FLRT1: variants seen among roughly 807,000 people sequenced by gnomAD.
The protein encoded by FLRT1 is fibronectin leucine rich transmembrane protein 1.
In FLRT1, 14 loss-of-function variants were observed where a neutral mutation model predicts 30.9. The observed-to-expected ratio is 0.45, with a 90% confidence interval of 0.30 to 0.71. FLRT1 has a LOEUF of 0.71. FLRT1 is among the 30% of genes least tolerant of loss of function. The pLI is 0.08. For missense variants in FLRT1, 737 were observed against 949.2 expected (o/e 0.78, Z 2.94); for synonymous variants, 368 against 430.4 (o/e 0.85, Z 1.80).
At chr11:64,093,687 C>T (rs1003536046) in intron 1 of FLRT1, among the ~76,000 whole-genome samples, 2 of 152,250 alleles carry the variant, frequency 1.3e-5, no homozygotes, top group African/African-American at 2.4e-5. Context: ...GCCCCACCCC[C>T]TCTTGGTCAT....
At chr11:64,071,663 C>G (rs1269200568) in intron 1 of FLRT1, among the ~76,000 whole-genome samples, 2 of 152,198 alleles carry the variant, frequency 1.3e-5, no homozygotes, top group African/African-American at 4.8e-5. Context: ...GAAGTGGGAA[C>G]CACAGAGCCC....
intron 1 of FLRT1, among the ~76,000 whole-genome samples, chr11:64,072,255 A>T (rs146946781): frequency 3.7e-4 from 56 of 152,110 alleles, no homozygotes; most frequent in Middle Eastern, 3.4e-3. Flanking sequence ...CAACCCACAG[A>T]TGGGTACAGG....
At chr11:64,091,396 G>A (rs1944487623) in intron 1 of FLRT1, among the ~76,000 whole-genome samples, 2 of 151,956 alleles carry the variant, frequency 1.3e-5, no homozygotes. Flanking sequence ...GCCAGGTAGG[G>A]AGGTTGGGGG....
intron 1 of FLRT1, among the ~76,000 whole-genome samples, chr11:64,065,833 C>A (rs1943995320): frequency 6.6e-6 from 1 of 151,024 alleles, no homozygotes; most frequent in South Asian, 2.3e-4. Flanking sequence ...GACTCCCCCT[C>A]TCTCCATGCA....
chr11:64,066,491 C>T (rs1944008503), intron 1 of FLRT1, among the ~76,000 whole-genome samples: 1 of 151,534 alleles, frequency 6.6e-6, no homozygotes, highest in Non-Finnish European at 1.5e-5. Context: ...TGGTGGCATG[C>T]GCCTGTAGTC....
At chr11:64,109,294 C>A (rs1944818890) in intron 2 of FLRT1, among the ~76,000 whole-genome samples, 2 of 152,176 alleles carry the variant, frequency 1.3e-5, no homozygotes, top group South Asian at 2.1e-4. Context: ...CCATAAGCCA[C>A]CACGAGGGGT....
chr11:64,057,843 C>CT (rs1943818625), intron 1 of FLRT1, among the ~76,000 whole-genome samples: 1 of 152,256 alleles, frequency 6.6e-6, no homozygotes, highest in South Asian at 2.1e-4. Flanking sequence ...CCCCTTTCCA[C>CT]TTTACAGTTG....
In FLRT1 at chr11:64,118,167, G is replaced by A. The variant is rs541305050; in HGVS notation, c.1900G>A (p.Val634Met). The A allele has an allele frequency of 8.1e-6, 13 of 1,613,698 alleles. No individual in the cohort carries two copies. Among genetic ancestry groups the A allele is most frequent in the Middle Eastern group, 1.7e-4 (1 of 6,060 alleles). Residue 634 changes from valine (V) to methionine (M), a missense_variant, in exon 3 of 3, where the codon GTG becomes ATG. Val to Met is a conservative substitution (Grantham distance 21). Coordinates refer to ENST00000682287, the MANE Select transcript of FLRT1 (RefSeq NM_013280.5). ...CCCGTACCGCGCCAAAGAAGAGTAC[G>A]TGGTCCACACTATCTTCCCCTCCAA... is the stretch of plus-strand genomic sequence containing the variant. ...INPYRAKEEY[V>M]VHTIFPSNGS...
At chr11:64,051,560 G>A (rs1943695794) in intron 1 of FLRT1, among the ~76,000 whole-genome samples, 1 of 152,230 alleles carries the variant, frequency 6.6e-6, no homozygotes, top group South Asian at 2.1e-4. Flanking sequence ...TGTTTGTGCA[G>A]AGACTAAATC....
chr11:64,048,314 C>T (rs1405687254), intron 1 of FLRT1, among the ~76,000 whole-genome samples: 1 of 152,242 alleles, frequency 6.6e-6, no homozygotes, highest in African/African-American at 2.4e-5. Flanking sequence ...AGACAGAGCC[C>T]AGCCTTTGTG....
intron 1 of FLRT1, among the ~76,000 whole-genome samples, chr11:64,070,454 C>A (rs1040561928): frequency 1.3e-5 from 2 of 152,176 alleles, no homozygotes; most frequent in Non-Finnish European, 2.9e-5. Context: ...AGGGATAAAA[C>A]GCCAAACAAA....
intron 2 of FLRT1, among the ~76,000 whole-genome samples, chr11:64,113,601 AGGTGGATG>A (rs1428691160): frequency 1.5e-5 from 1 of 66,704 alleles, no homozygotes; most frequent in Non-Finnish European, 2.9e-5. Context: ...ATGGATGGTT[AGGTGGATG>A]GATGGATGGA....
chr11:64,102,488 C>T (rs544009435), intron 1 of FLRT1, among the ~76,000 whole-genome samples: 132 of 152,224 alleles, frequency 8.7e-4, no homozygotes, highest in Non-Finnish European at 1.6e-3. Flanking sequence ...TCTGGAAGCC[C>T]AGGCCATGGC....
chr11:64,102,230 G>C, intron 1 of FLRT1, among the ~76,000 whole-genome samples: 1 of 152,292 alleles, frequency 6.6e-6, no homozygotes, highest in East Asian at 1.9e-4. Flanking sequence ...ACACCAGGGC[G>C]CCGCGGCCCT....
chr11:64,115,744 G>A lies in FLRT1; in HGVS notation c.-49-475G>A, dbSNP rs541225252. On this transcript the variant is annotated intron_variant, in intron 2 of 2. Transcript: ENST00000682287. ...CTGGGTCCGAGCCAGACAGCAATGCGTGCTCCTCGTGCAGTGCCAGGGAAA... is the reference window on the plus strand; with the variant it reads ...CTGGGTCCGAGCCAGACAGCAATGCATGCTCCTCGTGCAGTGCCAGGGAAA... Among the ~76,000 whole-genome samples, 153 of 152,304 alleles carry A rather than the reference G, an allele frequency of 1.0e-3. 1 individual carries two copies. The Middle Eastern group carries it at 0.017, about 17-fold the overall frequency.
chr11:64,091,261 A>C (rs550405487), intron 1 of FLRT1, among the ~76,000 whole-genome samples: 68 of 152,200 alleles, frequency 4.5e-4, no homozygotes, highest in African/African-American at 1.6e-3. Flanking sequence ...GACAGAGTTC[A>C]TCCTGCCTCA....
intron 1 of FLRT1, among the ~76,000 whole-genome samples, chr11:64,049,794 C>T (rs922074303): frequency 2.6e-5 from 4 of 152,210 alleles, no homozygotes; most frequent in African/African-American, 9.6e-5. Context: ...GGGGGACCCA[C>T]AAGTGAAGTC....
chr11:64,111,521 C>T (rs1247722263), intron 2 of FLRT1, among the ~76,000 whole-genome samples: 3 of 152,224 alleles, frequency 2.0e-5, no homozygotes, highest in East Asian at 1.9e-4. Flanking sequence ...AAGGGACAGA[C>T]GTGCAGTGGG....
chr11:64,037,997 G>A (rs73498117), intron 1 of FLRT1, among the ~76,000 whole-genome samples: 7,532 of 152,278 alleles, frequency 0.049, 241 homozygotes, highest in South Asian at 0.12. Context: ...TATCTGCAGG[G>A]ACTTCAGAGG....
Sources: allele counts gnomAD v4.1 joint callset (sites outside exome capture counted in the v4.1 genomes callset), GRCh38; gene constraint gnomAD v4.1.1; transcripts MANE v1.5; gene names NCBI Gene and HGNC (gene_info 2026-07-23, HGNC 2026-07-21).